GTSE1: variants seen among roughly 807,000 people sequenced by gnomAD.
GTSE1 encodes G2 and S phase-expressed protein 1.
Under a neutral mutation model 60.5 loss-of-function variants are expected in GTSE1, and 52 were observed. The ratio of observed to expected loss-of-function variants is 0.86; its 90% CI spans 0.69 to 1.08. The LOEUF is 1.08. GTSE1 is among the 50% of genes least tolerant of loss of function. GTSE1 has a pLI of 0.00. For synonymous variants in GTSE1, 368 were observed against 386.5 expected (o/e 0.95, Z 0.56); for missense variants, 937 against 961.8 (o/e 0.97, Z 0.34).
At chr22:46,302,421 C>G (rs1261578829) in intron 2 of GTSE1, among the ~76,000 whole-genome samples, 1 of 152,036 alleles carries the variant, frequency 6.6e-6, no homozygotes, top group African/African-American at 2.4e-5. Context: ...GTTGCCTGGG[C>G]CTGAGTGTAG....
In GTSE1 at chr22:46,319,466, A is replaced by C. The variant is rs934821313; in HGVS notation, c.1432+3054A>C. Among the ~76,000 whole-genome samples, 1 of 151,902 alleles carries C rather than the reference A, an allele frequency of 6.6e-6. No individual in the cohort carries two copies. Among genetic ancestry groups the C allele is most frequent in the African/African-American group, 2.4e-5 (1 of 41,338 alleles). ...GGCTCATGTGGCAGTGCAGAGAGGG[A>C]CTCGAGTGTCCCTGAGGTTCTGGCG... On this transcript the variant is annotated intron_variant, in intron 7 of 11. Transcript: ENST00000454366. This position sits in a 1 kb window ranked among gnomAD's most constrained non-coding sequence, Gnocchi z 5.0.
At chr22:46,306,388 A>G (rs973585705) in intron 2 of GTSE1, among the ~76,000 whole-genome samples, 3 of 151,674 alleles carry the variant, frequency 2.0e-5, no homozygotes, top group African/African-American at 7.3e-5. Flanking sequence ...TCACCATGTT[A>G]GCCAGGATGG....
Position 46,326,574 on chromosome 22 carries a change from G to A in GTSE1, c.1644G>A (p.Thr548=). 1.2e-6 allele frequency: 2 copies of A among 1,614,078 alleles called. No individual in the cohort carries two copies. The part of the protein sequence containing the change: ...CSGLPPMTPK[T]MPRAVGSPLC... ...GCCTTCCACCGATGACCCCCAAAACGATGCCCAGGGCCGTGGGCTCTCCCC... is the reference window on the plus strand; with the variant it reads ...GCCTTCCACCGATGACCCCCAAAACAATGCCCAGGGCCGTGGGCTCTCCCC... The change falls in exon 9 of 12, where the codon ACG becomes ACA. Residue 548 remains threonine, a synonymous_variant. Transcript: ENST00000454366.
rs948345440 is a variant in GTSE1, at chr22:46,319,409, G to C, written c.1432+2997G>C. 6.6e-6 allele frequency among the ~76,000 whole-genome samples: 1 copy of C among 152,148 alleles called. No individual in the cohort carries two copies. Among genetic ancestry groups the C allele is most frequent in the African/African-American group, 2.4e-5 (1 of 41,436 alleles). ...TAGTGCTGGGGAAGGAGGCTGGAGC[G>C]CTGCGGTCTGCCTGACGTTCTGGTA... On this transcript the variant is annotated intron_variant, in intron 7 of 11. Transcript: ENST00000454366. This position sits in a 1 kb window ranked among gnomAD's most constrained non-coding sequence, Gnocchi z 5.0.
intron 2 of GTSE1, among the ~76,000 whole-genome samples, chr22:46,299,181 C>T (rs1311066930): frequency 6.6e-6 from 1 of 152,278 alleles, no homozygotes; most frequent in East Asian, 1.9e-4. Flanking sequence ...TCCTGCCTCT[C>T]TGGCTGGTGT....
rs539368086 is a variant in GTSE1, at chr22:46,313,207, G to C, written c.928-683G>C. On this transcript the variant is annotated intron_variant, in intron 5 of 11. Transcript: ENST00000454366. This position sits in a 1 kb window ranked among gnomAD's most constrained non-coding sequence, Gnocchi z 4.4. Reference sequence around the variant, plus strand: ...AAAAAGGAAAAGAAAGAAAATTGCGGTTCCTCACAGGCATGGAGACTACCA... The same window carrying C: ...AAAAAGGAAAAGAAAGAAAATTGCGCTTCCTCACAGGCATGGAGACTACCA... Among the ~76,000 whole-genome samples, 126 of 151,482 alleles carry C rather than the reference G, an allele frequency of 8.3e-4. 1 individual carries two copies. The highest frequency in any genetic ancestry group is 3.4e-3 in the Middle Eastern group (1 of 292).
chr22:46,326,434 A>T lies in GTSE1; in HGVS notation c.1506-2A>T. On this transcript the variant is annotated splice_acceptor_variant, in intron 8 of 11. Transcript: ENST00000454366. LOFTEE classifies it high-confidence loss of function. ...TCACGACACTGATGTTGTGTTTGCC[A>T]GGGTCACTGTCCACAGCACCCCGGT... 6.3e-7 allele frequency: 1 copy of T among 1,594,896 alleles called. No homozygotes were observed. The highest frequency in any genetic ancestry group is 1.1e-5 in the South Asian group (1 of 89,504).
rs866927673 is a variant in GTSE1, at chr22:46,320,325, C to T, written c.1433-2865C>T. On this transcript the variant is annotated intron_variant, in intron 7 of 11. Coordinates refer to ENST00000454366, the MANE Select transcript of GTSE1 (RefSeq NM_016426.7). This position sits in a 1 kb window ranked among gnomAD's most constrained non-coding sequence, Gnocchi z 7.1. ...TCACCTTCGGCAGGCGGTTCCTCCT[C>T]TCTCCACAATGCTGGGAACAGGACT... Among the ~76,000 whole-genome samples the T allele has an allele frequency of 6.6e-6, 1 of 152,232 alleles. No individual in the cohort carries two copies. The highest frequency in any genetic ancestry group is 2.1e-4 in the South Asian group (1 of 4,834).
rs771961971 is a variant in GTSE1 at position 46,309,954 on chromosome 22, G to C, written c.762+1011G>C. On this transcript the variant is annotated intron_variant, in intron 4 of 11. Coordinates refer to ENST00000454366, the MANE Select transcript of GTSE1 (RefSeq NM_016426.7). The surrounding 1 kb of genome is among the most constrained non-coding windows in gnomAD (Gnocchi z 6.2). ...CACGCGTGGACTCGGGGAGAGAGGTGGTGTGATTTGGGCTGCTCCAGACCC... is the reference window on the plus strand; with the variant it reads ...CACGCGTGGACTCGGGGAGAGAGGTCGTGTGATTTGGGCTGCTCCAGACCC... Among the ~76,000 whole-genome samples the C allele has an allele frequency of 6.6e-6, 1 of 152,196 alleles. No homozygotes were observed. Among genetic ancestry groups the C allele is most frequent in the Non-Finnish European group, 1.5e-5 (1 of 68,038 alleles).
chr22:46,317,728 G>A lies in GTSE1; in HGVS notation c.1432+1316G>A, dbSNP rs1161774617. Among the ~76,000 whole-genome samples the A allele has an allele frequency of 2.6e-5, 4 of 152,138 alleles. No homozygotes were observed. Among genetic ancestry groups the A allele is most frequent in the Non-Finnish European group, 4.4e-5 (3 of 68,036 alleles). ...GTGGTGGGTCTAGCATAGCCTTTCCGCCTCCCGCCACCGGCGTCCTTCCCA... is the reference window on the plus strand; with the variant it reads ...GTGGTGGGTCTAGCATAGCCTTTCCACCTCCCGCCACCGGCGTCCTTCCCA... On this transcript the variant is annotated intron_variant, in intron 7 of 11. Transcript: ENST00000454366. This position sits in a 1 kb window ranked among gnomAD's most constrained non-coding sequence, Gnocchi z 5.6.
Position 46,318,921 on chromosome 22 carries a change from C to T in GTSE1, c.1432+2509C>T, listed in dbSNP as rs1438717281. Among the ~76,000 whole-genome samples, 1 of 152,144 alleles carries T rather than the reference C, an allele frequency of 6.6e-6. No homozygotes were observed. Among genetic ancestry groups the T allele is most frequent in the Non-Finnish European group, 1.5e-5 (1 of 68,038 alleles). ...CGGCTCTGGCCCTCATACCTCCCGGCAGGAAGCCTTCTTCTAGGTGAAGAA... is the reference window on the plus strand; with the variant it reads ...CGGCTCTGGCCCTCATACCTCCCGGTAGGAAGCCTTCTTCTAGGTGAAGAA... On this transcript the variant is annotated intron_variant, in intron 7 of 11. Transcript: ENST00000454366. This position sits in a 1 kb window ranked among gnomAD's most constrained non-coding sequence, Gnocchi z 4.8.
chr22:46,323,064 T>C (rs2077822616), intron 7 of GTSE1, 126 bp from the exon 8 acceptor site: 1 of 740,044 alleles, frequency 1.4e-6, no homozygotes, highest in African/African-American at 1.7e-5. Flanking sequence ...TCTGAGCCAG[T>C]GCCACCTACA....
In GTSE1 at chr22:46,308,464, G is replaced by A. The variant is rs148350542; in HGVS notation, c.283G>A (p.Gly95Arg). 1.7e-5 allele frequency: 28 copies of A among 1,614,036 alleles called. No individual in the cohort carries two copies. In the Middle Eastern group the frequency reaches 9.9e-4, roughly 57 times the overall value. ...TCCCTTTGCCTGGAGCCCTCTGGCC[G>A]GGGAGAAGTTCGTGGAGGTGTACAA... ...ESPFAWSPLA[G>R]EKFVEVYKEA... is the part of the protein sequence containing the mutation. Residue 95 changes from glycine to arginine, a missense_variant, in exon 4 of 12, where the codon GGG becomes AGG. Physicochemically the swap from Gly to Arg is moderately radical, Grantham distance 125 (BLOSUM62 -2). Coordinates refer to ENST00000454366, the MANE Select transcript of GTSE1 (RefSeq NM_016426.7).
In GTSE1 at chr22:46,314,966, G is replaced by A. The variant is rs985499049; in HGVS notation, c.1051+953G>A. Among the ~76,000 whole-genome samples, 3 of 151,888 alleles carry A rather than the reference G, an allele frequency of 2.0e-5. No individual in the cohort carries two copies. The highest frequency in any genetic ancestry group is 7.3e-5 in the African/African-American group (3 of 41,326). The stretch of plus-strand genomic sequence containing the variant: ...GTTTGTGTCCTTATCTTTATAGACT[G>A]AGGTGATGACCTCCTGAGATCAAGC... On this transcript the variant is annotated intron_variant, in intron 6 of 11. Coordinates refer to ENST00000454366, the MANE Select transcript of GTSE1 (RefSeq NM_016426.7). This position sits in a 1 kb window ranked among gnomAD's most constrained non-coding sequence, Gnocchi z 7.1.
Position 46,304,971 on chromosome 22 carries a change from C to A in GTSE1, c.80-3179C>A, listed in dbSNP as rs190545912. ...TCCAGCCTGGGTGACAGAGCGAGAC[C>A]CTGTCTCAAAAAAAGAAAAAGGATT... is the stretch of plus-strand genomic sequence containing the variant. On this transcript the variant is annotated intron_variant, in intron 2 of 11. Coordinates refer to ENST00000454366, the MANE Select transcript of GTSE1 (RefSeq NM_016426.7). This position sits in a 1 kb window ranked among gnomAD's most constrained non-coding sequence, Gnocchi z 4.4. Among the ~76,000 whole-genome samples the A allele has an allele frequency of 1.3e-5, 2 of 151,920 alleles. No individual in the cohort carries two copies. Among genetic ancestry groups the A allele is most frequent in the Admixed American group, 1.3e-4 (2 of 15,260 alleles).
At chr22:46,328,354 C>T (rs1344488504) in intron 9 of GTSE1, among the ~76,000 whole-genome samples, 1 of 152,210 alleles carries the variant, frequency 6.6e-6, no homozygotes, top group Non-Finnish European at 1.5e-5. Context: ...GAGGAGCTGG[C>T]CGTGGCTCAA....
At chr22:46,305,207 G>T (rs2077709211) in intron 2 of GTSE1, among the ~76,000 whole-genome samples, 1 of 152,168 alleles carries the variant, frequency 6.6e-6, no homozygotes, top group South Asian at 2.1e-4. Context: ...CTTTTTTGAA[G>T]AGGATAGCTC....
At chr22:46,311,987 G>A (rs1271522519) in intron 4 of GTSE1, among the ~76,000 whole-genome samples, 154 bp from the exon 5 acceptor site, 5 of 152,222 alleles carry the variant, frequency 3.3e-5, no homozygotes. Context: ...GATGCGAACT[G>A]CTTGCCCTGT....
chr22:46,302,314 T>G (rs919927142), intron 2 of GTSE1, among the ~76,000 whole-genome samples: 2 of 152,114 alleles, frequency 1.3e-5, no homozygotes, highest in African/African-American at 4.8e-5. Context: ...GTTTAACTTA[T>G]TGTGATTTTT....
Sources: gnomAD v4.1 joint callset for allele counts (sites outside exome capture counted in the v4.1 genomes callset) on GRCh38, gnomAD v4.1.1 for gene constraint, Gnocchi (gnomAD v3.1) non-coding constraint, MANE v1.5 for transcripts, NCBI Gene and HGNC (gene_info 2026-07-23, HGNC 2026-07-21) for gene names.